Variants in CDH12 observed in about 807,000 individuals in gnomAD.
CDH12 encodes the protein cadherin 12.
CDH12 carries 41 observed loss-of-function variants against 74.1 expected under a neutral mutation model. The ratio of observed to expected loss-of-function variants is 0.55; its 90% CI spans 0.43 to 0.72. The LOEUF (loss-of-function observed/expected upper bound fraction) is 0.72. Ranked by LOEUF, CDH12 falls within the 30% of genes least tolerant of loss-of-function variation. The pLI is 0.00. For synonymous variants in CDH12, 399 were observed against 355.0 expected (o/e 1.12, Z -1.39); for missense variants, 945 against 977.2 (o/e 0.97, Z 0.44).
At chr5:21,780,565 G>A (rs376866702) in intron 11 of CDH12, among the ~76,000 whole-genome samples, 14 of 152,188 alleles carry the variant, frequency 9.2e-5, no homozygotes, top group African/African-American at 2.7e-4. Context: ...CCTGTTTCAT[G>A]TGTGTATGAA....
rs758959320 is a variant in CDH12, at chr5:22,078,700, A to T, written c.-24T>A. ...ATTGGCAAAGGCTTTCCTACAGCAG[A>T]GTAATAAAAACTCCAACACTTAACG... On this transcript the variant is annotated 5_prime_UTR_variant, in exon 5 of 15. Coordinates refer to ENST00000382254, the MANE Select transcript of CDH12 (RefSeq NM_004061.5). 1.9e-6 allele frequency: 3 copies of T among 1,609,268 alleles called. No individual in the cohort carries two copies. The highest frequency in any genetic ancestry group is 2.5e-6 in the Non-Finnish European group (3 of 1,177,250).
chr5:21,878,034 A>G (rs545606248), intron 6 of CDH12, among the ~76,000 whole-genome samples: 51 of 152,366 alleles, frequency 3.3e-4, no homozygotes, highest in Non-Finnish European at 5.3e-4. Context: ...AATACTTGCA[A>G]AAGTGCTTAT....
At chr5:22,516,414 AT>A (rs1239903709) in intron 1 of CDH12, among the ~76,000 whole-genome samples, 4 of 152,106 alleles carry the variant, frequency 2.6e-5, no homozygotes, top group Non-Finnish European at 5.9e-5. Context: ...TTTATTTTTC[AT>A]TTTTATTAAG....
chr5:22,562,851 T>C (rs1164346603), intron 1 of CDH12, among the ~76,000 whole-genome samples: 2 of 137,420 alleles, frequency 1.5e-5, no homozygotes, highest in Non-Finnish European at 3.1e-5. Flanking sequence ...ATAAATGATC[T>C]CTTATAGTCT....
intron 13 of CDH12, among the ~76,000 whole-genome samples, chr5:21,759,446 TA>T (rs139647137): frequency 0.048 from 7,279 of 152,108 alleles, 227 homozygotes; most frequent in African/African-American, 0.085. Flanking sequence ...AGTATAAGTG[TA>T]AACCATGATG....
intron 4 of CDH12, among the ~76,000 whole-genome samples, chr5:22,119,797 T>C (rs930016573): frequency 1.3e-5 from 2 of 152,176 alleles, no homozygotes; most frequent in African/African-American, 4.8e-5. Context: ...GTGACATATA[T>C]CTAACTTTCA....
chr5:22,072,442 T>C (rs962614391), intron 5 of CDH12, among the ~76,000 whole-genome samples: 4 of 152,082 alleles, frequency 2.6e-5, no homozygotes, highest in Non-Finnish European at 5.9e-5. Flanking sequence ...TCTCAGGTAC[T>C]TCCTCATTTG....
At chr5:22,091,803 G>A (rs1743449208) in intron 4 of CDH12, among the ~76,000 whole-genome samples, 1 of 151,766 alleles carries the variant, frequency 6.6e-6, no homozygotes, top group Admixed American at 6.6e-5. Flanking sequence ...CACTTTTAAA[G>A]CTCAAAACAC....
chr5:22,022,651 T>C (rs774356723), intron 5 of CDH12, among the ~76,000 whole-genome samples: 1 of 152,136 alleles, frequency 6.6e-6, no homozygotes, highest in Non-Finnish European at 1.5e-5. Flanking sequence ...AGTATCTAAA[T>C]ATTAAAACCT....
intron 1 of CDH12, among the ~76,000 whole-genome samples, chr5:22,712,573 A>C (rs1383709225): frequency 1.3e-5 from 2 of 152,178 alleles, no homozygotes; most frequent in Non-Finnish European, 2.9e-5. Flanking sequence ...CTTTATAATC[A>C]TAATGATATG....
chr5:22,138,291 C>T (rs1580308256), intron 4 of CDH12, among the ~76,000 whole-genome samples: 2 of 151,466 alleles, frequency 1.3e-5, no homozygotes. Flanking sequence ...AATAAAATGG[C>T]CTATGTACCT....
chr5:22,566,225 T>C (rs1271798281), intron 1 of CDH12, among the ~76,000 whole-genome samples: 1 of 151,862 alleles, frequency 6.6e-6, no homozygotes, highest in Non-Finnish European at 1.5e-5. Context: ...CTTTTTTTTG[T>C]TGTTCTTTTT....
intron 2 of CDH12, among the ~76,000 whole-genome samples, chr5:22,468,691 T>C (rs2126600900): frequency 6.6e-6 from 1 of 152,280 alleles, no homozygotes; most frequent in Admixed American, 6.5e-5. Flanking sequence ...TTATTGTTAA[T>C]TTTATGTAAA....
intron 3 of CDH12, among the ~76,000 whole-genome samples, chr5:22,215,403 T>G (rs1360488624): frequency 6.6e-6 from 1 of 152,094 alleles, no homozygotes; most frequent in East Asian, 1.9e-4. Flanking sequence ...GTAACAGTTC[T>G]GCTATTAAAA....
At chr5:22,789,791 T>C (rs986770097) in intron 1 of CDH12, among the ~76,000 whole-genome samples, 4 of 151,936 alleles carry the variant, frequency 2.6e-5, no homozygotes, top group Admixed American at 2.6e-4. Context: ...AATATGAACT[T>C]TGAAGTGAGT....
At chr5:22,235,082 A>G (rs1230861404) in intron 3 of CDH12, among the ~76,000 whole-genome samples, 1 of 152,228 alleles carries the variant, frequency 6.6e-6, no homozygotes, top group African/African-American at 2.4e-5. Flanking sequence ...TTATTTACAC[A>G]TACTTGAATT....
In CDH12 at chr5:21,932,456, A is replaced by T. The variant is rs548209604; in HGVS notation, c.526+42635T>A. ...AAAATTAATCACTACATTCTTTTGG[A>T]TAAAAAATACTCAGCTCTCTGCAGA... On this transcript the variant is annotated intron_variant, in intron 6 of 14. Transcript: ENST00000382254. Among the ~76,000 whole-genome samples the T allele has an allele frequency of 1.8e-3, 269 of 152,362 alleles. 1 individual carries two copies. The highest frequency in any genetic ancestry group is 6.2e-3 in the African/African-American group (259 of 41,590).
intron 1 of CDH12, among the ~76,000 whole-genome samples, chr5:22,799,347 T>C (rs769414840): frequency 8.5e-5 from 13 of 152,150 alleles, no homozygotes; most frequent in Non-Finnish European, 5.9e-5. Context: ...AGTAATGAAA[T>C]ATGTTCTTTC....
At chr5:21,949,894 T>G (rs866612728) in intron 6 of CDH12, among the ~76,000 whole-genome samples, 1 of 151,958 alleles carries the variant, frequency 6.6e-6, no homozygotes, top group Non-Finnish European at 1.5e-5. Context: ...AAGAAAGAAG[T>G]TTTTTTTACA....
Sources: allele counts gnomAD v4.1 joint callset (sites outside exome capture counted in the v4.1 genomes callset), GRCh38; gene constraint gnomAD v4.1.1; transcripts MANE v1.5; gene names NCBI Gene and HGNC (gene_info 2026-07-23, HGNC 2026-07-21).